The following PCDH7 variants were observed in gnomAD, a reference collection of about 807,000 sequenced individuals.
PCDH7 encodes protocadherin-7.
A neutral mutation model predicts 58.9 loss-of-function variants in PCDH7; 17 were observed. The observed-to-expected ratio is 0.29, with a 90% confidence interval of 0.20 to 0.43. PCDH7 has a LOEUF of 0.43. Ranked by LOEUF, PCDH7 falls within the 20% of genes least tolerant of loss-of-function variation. The probability of loss-of-function intolerance (pLI) is 1.00; values close to 1 mark genes in which losing one functional copy is unlikely to be tolerated. For synonymous variants in PCDH7, 664 were observed against 616.4 expected (o/e 1.08, Z -1.14); for missense variants, 1,274 against 1,441.0 (o/e 0.88, Z 1.88).
At chr4:30,856,396 C>T (rs1403240132) in intron 1 of PCDH7, among the ~76,000 whole-genome samples, 2 of 151,914 alleles carry the variant, frequency 1.3e-5, no homozygotes, top group African/African-American at 2.4e-5. Flanking sequence ...TGTTCTCTTT[C>T]CCTTTTAGAC....
At chr4:30,997,737 A>G (rs1291635159) in intron 3 of PCDH7, among the ~76,000 whole-genome samples, 1 of 152,166 alleles carries the variant, frequency 6.6e-6, no homozygotes, top group Admixed American at 6.5e-5. Context: ...TGGAGGTGAT[A>G]ATATATGCTG....
chr4:31,076,062 G>A (rs1244560311), intron 3 of PCDH7, among the ~76,000 whole-genome samples: 2 of 152,082 alleles, frequency 1.3e-5, no homozygotes, highest in African/African-American at 4.8e-5. Flanking sequence ...ATATTATGTG[G>A]CATATATATT....
chr4:31,129,745 G>A (rs1718743662), intron 3 of PCDH7, among the ~76,000 whole-genome samples: 1 of 151,996 alleles, frequency 6.6e-6, no homozygotes, highest in Non-Finnish European at 1.5e-5. Context: ...TGATTCTCCG[G>A]CCTCGGCCTC....
chr4:30,831,515 T>C (rs1729775891), intron 1 of PCDH7, among the ~76,000 whole-genome samples: 2 of 152,126 alleles, frequency 1.3e-5, no homozygotes, highest in South Asian at 4.1e-4. Flanking sequence ...TGAACATGGG[T>C]ATTCAACAGA....
At chr4:30,900,388 G>A (rs942650409) in intron 1 of PCDH7, among the ~76,000 whole-genome samples, 1 of 152,170 alleles carries the variant, frequency 6.6e-6, no homozygotes. Flanking sequence ...GAGTGCTTGT[G>A]ATTTAAGGAG....
intron 3 of PCDH7, among the ~76,000 whole-genome samples, chr4:31,082,008 G>A (rs935640062): frequency 4.6e-5 from 7 of 152,024 alleles, no homozygotes; most frequent in Non-Finnish European, 7.4e-5. Flanking sequence ...GGCTGGTCTC[G>A]AACTCCTGAC....
intron 3 of PCDH7, among the ~76,000 whole-genome samples, chr4:31,052,939 C>A (rs921806872): frequency 5.3e-5 from 8 of 151,764 alleles, no homozygotes; most frequent in Non-Finnish European, 1.2e-4. Flanking sequence ...CTTTTCTTTA[C>A]CCCCTTTTAA....
Position 30,872,216 on chromosome 4 carries a change from T to A in PCDH7, c.71-47937T>A, listed in dbSNP as rs1735707540. On this transcript the variant is annotated intron_variant, in intron 1 of 3. Transcript: ENST00000509759. ...TAAATATAAAACGAAGCAACTATAA[T>A]CATATCAGAATTCTTTTAATTTCTA... Among the ~76,000 whole-genome samples, 2 of 152,070 alleles carry A rather than the reference T, an allele frequency of 1.3e-5. 1 individual carries two copies. Among genetic ancestry groups the A allele is most frequent in the South Asian group, 4.1e-4 (2 of 4,832 alleles).
intron 1 of PCDH7, among the ~76,000 whole-genome samples, chr4:30,851,466 A>G (rs1310948942): frequency 9.2e-5 from 14 of 151,908 alleles, no homozygotes; most frequent in Admixed American, 9.2e-4. Context: ...TCACTGAAGA[A>G]AAGAGTGTTT....
chr4:30,821,340 G>C (rs1728349145), intron 1 of PCDH7, among the ~76,000 whole-genome samples: 1 of 152,186 alleles, frequency 6.6e-6, no homozygotes, highest in Non-Finnish European at 1.5e-5. Flanking sequence ...CTTGAACTTA[G>C]AGACTTCCAG....
chr4:30,727,326 A>G (rs1462807424), intron 1 of PCDH7, among the ~76,000 whole-genome samples: 2 of 151,946 alleles, frequency 1.3e-5, no homozygotes, highest in African/African-American at 4.8e-5. Context: ...ATAATAGGTT[A>G]AACAGCTTTG....
chr4:30,843,712 G>A (rs544016789), intron 1 of PCDH7, among the ~76,000 whole-genome samples: 1 of 151,738 alleles, frequency 6.6e-6, no homozygotes, highest in East Asian at 1.9e-4. Flanking sequence ...TTTTTTTGTG[G>A]TACATTTGGG....
intron 3 of PCDH7, among the ~76,000 whole-genome samples, chr4:30,967,560 T>C (rs184051639): frequency 2.8e-4 from 43 of 152,224 alleles, no homozygotes; most frequent in African/African-American, 9.1e-4. Flanking sequence ...CTCTCAACAG[T>C]AGAAATCACT....
chr4:31,142,556 A>G, exon 4 of PCDH7: 1 of 1,367,732 alleles, frequency 7.3e-7, no homozygotes, highest in South Asian at 1.1e-5. Flanking sequence ...CTCCTGCTGG[A>G]TGCCGGTCCG....
chr4:30,954,320 T>G (rs1326418076), intron 3 of PCDH7, among the ~76,000 whole-genome samples: 20 of 152,178 alleles, frequency 1.3e-4, no homozygotes, highest in Admixed American at 1.3e-3. Context: ...TCATATATTA[T>G]GAACCTATAT....
chr4:30,867,062 C>G (rs1259309998), intron 1 of PCDH7, among the ~76,000 whole-genome samples: 1 of 152,008 alleles, frequency 6.6e-6, no homozygotes, highest in Admixed American at 6.6e-5. Context: ...TTGCTACCAT[C>G]TAGATGGAAT....
intron 3 of PCDH7, among the ~76,000 whole-genome samples, chr4:31,140,846 T>C (rs1417373435): frequency 6.6e-6 from 1 of 152,182 alleles, no homozygotes; most frequent in Non-Finnish European, 1.5e-5. Context: ...ATCTGCTCAC[T>C]TGTAAGTCAA....
chr4:30,755,566 C>A (rs1719183007), intron 1 of PCDH7, among the ~76,000 whole-genome samples: 1 of 152,120 alleles, frequency 6.6e-6, no homozygotes, highest in African/African-American at 2.4e-5. Flanking sequence ...GAGAGCTTTA[C>A]AAGGGGGAGA....
chr4:31,092,904 G>T (rs182501528), intron 3 of PCDH7, among the ~76,000 whole-genome samples: 59 of 152,074 alleles, frequency 3.9e-4, no homozygotes, highest in African/African-American at 1.4e-3. Flanking sequence ...CCAGAGACTG[G>T]TCCAGTTCTA....
Sources: allele counts gnomAD v4.1 joint callset (sites outside exome capture counted in the v4.1 genomes callset), GRCh38; gene constraint gnomAD v4.1.1; transcripts MANE v1.5; gene names NCBI Gene and HGNC (gene_info 2026-07-23, HGNC 2026-07-21).